Variants in SEMA4G observed in about 807,000 individuals in gnomAD.
SEMA4G encodes semaphorin-4G.
SEMA4G carries 59 observed loss-of-function variants against 81.2 expected under a neutral mutation model. That is an observed-to-expected ratio of 0.73 (90% CI 0.59 to 0.90). The LOEUF (loss-of-function observed/expected upper bound fraction) is 0.90. Ranked by LOEUF, SEMA4G falls within the 40% of genes least tolerant of loss-of-function variation. The pLI is 0.00. For missense variants in SEMA4G, 952 were observed against 1,102.3 expected, an observed-to-expected ratio of 0.86 and a Z score of 1.93; for synonymous variants, 404 against 433.9, an observed-to-expected ratio of 0.93 and a Z score of 0.86.
rs550728516 is a variant in SEMA4G at position 100,981,917 on chromosome 10, G to A, written c.1690+688G>A. Among the ~76,000 whole-genome samples the A allele has an allele frequency of 3.9e-5, 6 of 152,042 alleles. No individual in the cohort carries two copies. The South Asian group carries it at 1.2e-3, about 32-fold the overall frequency. ...TACAAAAAATACAAAAATTAGCCGGGTGTGGTGGCACATGTCTGTAATCCC... is the reference window on the plus strand; with the variant it reads ...TACAAAAAATACAAAAATTAGCCGGATGTGGTGGCACATGTCTGTAATCCC... On this transcript the variant is annotated intron_variant, in intron 13 of 13. Coordinates refer to ENST00000370250, the Ensembl canonical transcript of SEMA4G.
chr10:100,977,732 T>A lies in SEMA4G; in HGVS notation c.435+2T>A. ...TTCCAGCCCCTCTGTGCAGCCATTG[T>A]GAGTATACCTGTGTTGTGCCAGATC... is the stretch of plus-strand genomic sequence containing the variant. On this transcript the variant is annotated splice_donor_variant, in intron 4 of 13. Coordinates refer to ENST00000370250, the Ensembl canonical transcript of SEMA4G. LOFTEE classifies it high-confidence loss of function. The A allele has an allele frequency of 6.2e-7, 1 of 1,608,392 alleles. No individual in the cohort carries two copies. Among genetic ancestry groups the A allele is most frequent in the Non-Finnish European group, 8.5e-7 (1 of 1,174,810 alleles).
At chr10:100,979,459 T>C in intron 8 of SEMA4G, 188 bp downstream of exon 9, 1 of 1,437,694 alleles carries the variant, frequency 7.0e-7, no homozygotes, top group Non-Finnish European at 9.3e-7. Flanking sequence ...CTCGGCTCAC[T>C]GCAATCTCCG....
chr10:100,974,683 G>A lies in SEMA4G; in HGVS notation c.336+1074G>A, dbSNP rs117969718. Among the ~76,000 whole-genome samples, 86 of 152,298 alleles carry A rather than the reference G, an allele frequency of 5.6e-4. 2 individuals are homozygous for A. The East Asian group carries it at 0.016, about 29-fold the overall frequency. On this transcript the variant is annotated intron_variant, in intron 3 of 13. Transcript: ENST00000370250. The stretch of plus-strand genomic sequence containing the variant: ...ATGAGAAAAATGAGTCTTTGGTCAA[G>A]GAATAGGTCAAATACCCAGTATTCC...
At chr10:100,971,411 A>G (rs891105602), upstream of SEMA4G, among the ~76,000 whole-genome samples, 1 of 152,206 alleles carries the variant, frequency 6.6e-6, no homozygotes, top group African/African-American at 2.4e-5. Context: ...TTTCAGGGTC[A>G]GGGAATCCTC....
At chr10:100,978,245 T>A in intron 4 of SEMA4G, 50 bp from the exon 6 acceptor site, 1 of 1,418,650 alleles carries the variant, frequency 7.0e-7, no homozygotes, top group Non-Finnish European at 9.9e-7. Context: ...TTTGAGCCAC[T>A]GTCCCTGCCT....
chr10:100,978,697 C>G (rs1850912284), intron 6 of SEMA4G, 57 bp downstream of exon 7: 2 of 1,571,446 alleles, frequency 1.3e-6, no homozygotes, highest in African/African-American at 1.4e-5. Context: ...TTCATTTTTA[C>G]TCCCTTGGCC....
In SEMA4G at chr10:100,979,846, AG is replaced by A; in HGVS notation, c.984del. On this transcript the variant is annotated splice_acceptor_variant, in intron 8 of 13. Transcript: ENST00000370250. LOFTEE classifies it high-confidence loss of function. ...CCCCCCTTGCCCTATGTCCCATTCTAGGAAGACCCTGGAGGCCTCAGCCATC... is the reference window on the plus strand; with the variant it reads ...CCCCCCTTGCCCTATGTCCCATTCTAGAAGACCCTGGAGGCCTCAGCCATC... The A allele has an allele frequency of 6.2e-7, 1 of 1,613,186 alleles. No homozygotes were observed. Among genetic ancestry groups the A allele is most frequent in the Non-Finnish European group, 8.5e-7 (1 of 1,179,864 alleles).
exon 4 of SEMA4G, chr10:100,977,656 T>C (rs1564794293): frequency 1.2e-6 from 2 of 1,614,070 alleles, no homozygotes; most frequent in Admixed American, 1.7e-5. Flanking sequence ...CCATGTGCGG[T>C]TCCTGCAGCG....
intron 11 of SEMA4G, 60 bp downstream of exon 12, chr10:100,980,753 G>A (rs1243551107): frequency 3.8e-5 from 61 of 1,605,904 alleles, no homozygotes; most frequent in Non-Finnish European, 4.9e-5. Context: ...GGAGTGGGGA[G>A]GTTGGGCAGA....
exon 14 of SEMA4G, chr10:100,984,095 G>T (rs750866450): frequency 9.3e-6 from 15 of 1,613,170 alleles, no homozygotes; most frequent in African/African-American, 1.3e-5. Context: ...GGAAGCACAC[G>T]CAGCTCGTGG....
rs1029721556 is a variant in SEMA4G, at chr10:100,973,205, G to T, written c.201G>T (p.Arg67Ser). The T allele has an allele frequency of 6.2e-7, 1 of 1,613,610 alleles. No homozygotes were observed. Among genetic ancestry groups the T allele is most frequent in the African/African-American group, 1.3e-5 (1 of 74,896 alleles). Residue 67 changes from arginine to serine, a missense_variant, in exon 2 of 14, where the codon AGG (arginine) becomes AGT (serine). Arg to Ser is a moderately radical substitution (Grantham distance 110, BLOSUM62 -1). Transcript: ENST00000370250. The surrounding 1 kb of genome is among the most constrained non-coding windows in gnomAD (Gnocchi z 5.5). ...TGCTGCTGGAGGAGGCCTCAGCAAG[G>T]CTGCTGGTGGGAGCCCGAGGTGCCC...
chr10:100,972,565 T>C (rs1850664254), exon 1 of SEMA4G: 1 of 215,526 alleles, frequency 4.6e-6, no homozygotes, highest in Non-Finnish European at 9.0e-6. Context: ...AGCTCTACTG[T>C]CGGGGGCAGG....
At chr10:100,977,667 G>A (rs1370695015) in exon 4 of SEMA4G, 1 of 1,613,942 alleles carries the variant, frequency 6.2e-7, no homozygotes, top group African/African-American at 1.3e-5. Flanking sequence ...TCCTGCAGCG[G>A]CTCAATTCTA....
At chr10:100,982,491 T>C (rs1851146200) in intron 13 of SEMA4G, among the ~76,000 whole-genome samples, 1 of 152,108 alleles carries the variant, frequency 6.6e-6, no homozygotes. Context: ...TAGTGACAGT[T>C]AGATACAAAC....
intron 12 of SEMA4G, 22 bp from the exon 14 acceptor site, chr10:100,981,145 TA>T: frequency 6.2e-7 from 1 of 1,614,094 alleles, no homozygotes; most frequent in South Asian, 1.1e-5. Context: ...CCCTTGTTCA[TA>T]AAACCTGATC....
chr10:100,984,166 A>G, exon 14 of SEMA4G: 1 of 1,574,760 alleles, frequency 6.4e-7, no homozygotes, highest in Non-Finnish European at 8.6e-7. Context: ...CTTCCAAGCC[A>G]GCCTATCTGT....
At chr10:100,978,666 TG>T (rs752321009) in intron 6 of SEMA4G, 26 bp downstream of exon 7, 4 of 1,600,336 alleles carry the variant, frequency 2.5e-6, no homozygotes, top group South Asian at 1.1e-5. Flanking sequence ...CACAGGATGA[TG>T]GGGGGTAGGG....
At position 100,983,742 on chromosome 10, in the gene SEMA4G, C is replaced by G. The variant is rs756057332; in HGVS notation, c.2128C>G (p.Arg710Gly). The G allele has an allele frequency of 2.5e-5, 40 of 1,613,102 alleles. No individual in the cohort carries two copies. Among genetic ancestry groups the G allele is most frequent in the Non-Finnish European group, 3.4e-5 (40 of 1,179,674 alleles). ...GCGGGAAGGCAGACGAGGGCGCCGA[C>G]GGAAATACTCACTGGGTCGGGCCAG... The change falls in exon 14 of 14, where the codon CGG becomes GGG. Residue 710 changes from arginine (R) to glycine (G), a missense_variant. Coordinates refer to ENST00000370250, the Ensembl canonical transcript of SEMA4G.
chr10:100,982,178 A>G (rs1564798529), intron 13 of SEMA4G, among the ~76,000 whole-genome samples: 2 of 152,004 alleles, frequency 1.3e-5, no homozygotes, highest in South Asian at 4.2e-4. Flanking sequence ...CCAGGCAAGC[A>G]GAGGACATGG....
Sources: allele counts gnomAD v4.1 joint callset (sites outside exome capture counted in the v4.1 genomes callset), GRCh38; gene constraint gnomAD v4.1.1; non-coding constraint Gnocchi (gnomAD v3.1); transcripts MANE v1.5; gene names NCBI Gene and HGNC (gene_info 2026-07-23, HGNC 2026-07-21).